ZNF385D: variants seen among roughly 807,000 people sequenced by gnomAD.
The protein encoded by ZNF385D is zinc finger protein 385D.
Under a neutral mutation model 35.8 loss-of-function variants are expected in ZNF385D, and 15 were observed. The ratio of observed to expected loss-of-function variants is 0.42; its 90% confidence interval spans 0.28 to 0.64. The LOEUF (loss-of-function observed/expected upper bound fraction) is 0.64. Ranked by LOEUF, ZNF385D falls within the 30% of genes least tolerant of loss-of-function variation. The pLI, the probability that ZNF385D is intolerant of heterozygous loss-of-function variation, is 0.23. For missense variants in ZNF385D, 474 were observed against 494.6 expected (o/e 0.96, Z 0.39); for synonymous variants, 212 against 186.8 (o/e 1.13, Z -1.10).
chr3:21,674,241 A>C (rs2066657424), intron 1 of ZNF385D, among the ~76,000 whole-genome samples: 1 of 152,072 alleles, frequency 6.6e-6, no homozygotes, highest in Admixed American at 6.6e-5. Flanking sequence ...GAGCCATTTA[A>C]GTGCAGTCAT....
intron 3 of ZNF385D, among the ~76,000 whole-genome samples, chr3:21,522,922 A>G (rs899580778): frequency 6.6e-6 from 1 of 152,234 alleles, no homozygotes; most frequent in Admixed American, 6.5e-5. Context: ...TGCTAACAGC[A>G]CACTATCCAC....
intron 2 of ZNF385D, among the ~76,000 whole-genome samples, chr3:21,578,016 C>T (rs2063544660): frequency 2.0e-5 from 3 of 151,864 alleles, no homozygotes; most frequent in South Asian, 4.2e-4. Flanking sequence ...GGTTGTGCCA[C>T]GTTGCCCAGG....
At chr3:21,773,789 G>A (rs2071176943) in intron 3 of ZNF385D, among the ~76,000 whole-genome samples, 1 of 151,860 alleles carries the variant, frequency 6.6e-6, no homozygotes, top group Admixed American at 6.6e-5. Flanking sequence ...TGGTGAGGTT[G>A]TGGAGAAAAA....
Position 21,887,339 on chromosome 3 carries a change from T to C in ZNF385D, c.326-222311A>G, listed in dbSNP as rs548490038. Among the ~76,000 whole-genome samples, 4 of 152,216 alleles carry C rather than the reference T, an allele frequency of 2.6e-5. No homozygotes were observed. The South Asian group carries it at 8.3e-4, about 32-fold the overall frequency. On this transcript the variant is annotated intron_variant, in intron 3 of 5. Transcript: ENST00000494108. ...GAAATTATACAAGGAAACTTAACTA[T>C]GCACATTAATAAAATAGTTTGTAAA...
At chr3:21,828,777 A>G (rs537100411) in intron 3 of ZNF385D, among the ~76,000 whole-genome samples, 2 of 150,510 alleles carry the variant, frequency 1.3e-5, no homozygotes, top group African/African-American at 4.8e-5. Context: ...CACTGAATTC[A>G]ACGTACTGGC....
intron 4 of ZNF385D, among the ~76,000 whole-genome samples, chr3:21,472,076 G>A (rs561999736): frequency 3.3e-5 from 5 of 152,102 alleles, no homozygotes; most frequent in South Asian, 2.1e-4. Flanking sequence ...TGTTACGCTC[G>A]TCAATAAATT....
At chr3:21,858,638 C>G (rs1696869355) in intron 3 of ZNF385D, among the ~76,000 whole-genome samples, 2 of 152,068 alleles carry the variant, frequency 1.3e-5, no homozygotes. Context: ...TAATCTTGGA[C>G]TTCCCAGCAT....
chr3:21,998,982 G>A (rs375549290), intron 3 of ZNF385D, among the ~76,000 whole-genome samples: 11 of 152,086 alleles, frequency 7.2e-5, no homozygotes, highest in Admixed American at 5.9e-4. Flanking sequence ...TCAATTACTG[G>A]CATCCAATTG....
intron 3 of ZNF385D, among the ~76,000 whole-genome samples, chr3:22,140,896 C>A (rs1237658896): frequency 2.0e-5 from 3 of 151,960 alleles, no homozygotes; most frequent in Non-Finnish European, 2.9e-5. Flanking sequence ...AATACAATAC[C>A]CTACTTTTTT....
At chr3:21,786,404 G>T (rs2336050) in intron 3 of ZNF385D, among the ~76,000 whole-genome samples, 1 of 151,962 alleles carries the variant, frequency 6.6e-6, no homozygotes, top group African/African-American at 2.4e-5. Flanking sequence ...TTTTTTCTTC[G>T]TTGTTTGCTT....
chr3:22,085,026 A>G (rs553840765), intron 3 of ZNF385D, among the ~76,000 whole-genome samples: 3 of 152,320 alleles, frequency 2.0e-5, no homozygotes, highest in South Asian at 2.1e-4. Context: ...TTTGAAACCA[A>G]TGAGAACAAA....
chr3:22,099,663 A>G (rs979454432), intron 3 of ZNF385D, among the ~76,000 whole-genome samples: 2 of 152,014 alleles, frequency 1.3e-5, no homozygotes, highest in Non-Finnish European at 2.9e-5. Context: ...ACTTAGAGAT[A>G]GGTAGTCATC....
At chr3:22,189,714 T>G (rs1238015584) in intron 2 of ZNF385D, among the ~76,000 whole-genome samples, 2 of 152,156 alleles carry the variant, frequency 1.3e-5, no homozygotes, top group Non-Finnish European at 2.9e-5. Flanking sequence ...ATTTTTAGAT[T>G]TGTATGCCTT....
At chr3:21,495,244 A>G (rs1252741757) in intron 4 of ZNF385D, among the ~76,000 whole-genome samples, 1 of 151,962 alleles carries the variant, frequency 6.6e-6, no homozygotes, top group Non-Finnish European at 1.5e-5. Context: ...TTTTTCCCAC[A>G]AACTCTTCTA....
chr3:21,921,749 G>A (rs541875422), intron 3 of ZNF385D, among the ~76,000 whole-genome samples: 1 of 150,374 alleles, frequency 6.7e-6, no homozygotes, highest in Non-Finnish European at 1.5e-5. Flanking sequence ...ATAGAAAATA[G>A]ATAAATTTCT....
At chr3:22,188,500 A>G (rs1172627057) in intron 2 of ZNF385D, among the ~76,000 whole-genome samples, 1 of 151,482 alleles carries the variant, frequency 6.6e-6, no homozygotes, top group Non-Finnish European at 1.5e-5. Context: ...CCCAGGCTGG[A>G]GTCCAGTGGC....
At chr3:22,039,769 G>C (rs183995035) in intron 3 of ZNF385D, among the ~76,000 whole-genome samples, 11 of 152,164 alleles carry the variant, frequency 7.2e-5, no homozygotes, top group African/African-American at 2.4e-4. Context: ...GTTCTTATTA[G>C]GGTACATCGT....
intron 3 of ZNF385D, among the ~76,000 whole-genome samples, chr3:21,535,836 T>C (rs571245886): frequency 6.6e-6 from 1 of 152,128 alleles, no homozygotes; most frequent in East Asian, 1.9e-4. Context: ...GCCACACTTA[T>C]TTCTAGGTCT....
chr3:22,278,312 A>G (rs1378385828), intron 2 of ZNF385D, among the ~76,000 whole-genome samples: 1 of 152,144 alleles, frequency 6.6e-6, no homozygotes, highest in East Asian at 1.9e-4. Context: ...CCATTTGAAT[A>G]CATTTCCAAT....
Sources: allele counts gnomAD v4.1 joint callset (sites outside exome capture counted in the v4.1 genomes callset), GRCh38; gene constraint gnomAD v4.1.1; transcripts MANE v1.5; gene names NCBI Gene and HGNC (gene_info 2026-07-23, HGNC 2026-07-21).